TANC1: variants seen among roughly 807,000 people sequenced by gnomAD.
The protein encoded by TANC1 is protein TANC1.
A neutral mutation model predicts 149.7 loss-of-function variants in TANC1; 77 were observed. The ratio of observed to expected loss-of-function variants is 0.51; its 90% CI spans 0.43 to 0.62. The LOEUF is 0.62. Ranked by LOEUF, TANC1 falls within the 20% of genes least tolerant of loss-of-function variation. TANC1 has a pLI of 0.00. For synonymous variants in TANC1, 854 were observed against 925.0 expected, an observed-to-expected ratio of 0.92 and a Z score of 1.39; for missense variants, 1,985 against 2,321.8, an observed-to-expected ratio of 0.85 and a Z score of 2.98.
intron 3 of TANC1, among the ~76,000 whole-genome samples, chr2:159,076,296 T>A (rs1357053299): frequency 6.6e-6 from 1 of 152,224 alleles, no homozygotes; most frequent in East Asian, 1.9e-4. Context: ...CTATGTTCTA[T>A]AGGTAAAAGT....
chr2:159,154,368 T>G lies in TANC1; in HGVS notation c.682+3812T>G, dbSNP rs1217448068. Among the ~76,000 whole-genome samples, 5 of 152,358 alleles carry G rather than the reference T, an allele frequency of 3.3e-5. No homozygotes were observed. The East Asian group carries it at 7.7e-4, about 23-fold the overall frequency. ...AGATGCAGGGACAGGAAGCTTGTGT[T>G]CCCACATGCCCAGGCACCCAGTTTA... On this transcript the variant is annotated intron_variant, in intron 7 of 26. Coordinates refer to ENST00000263635, the MANE Select transcript of TANC1 (RefSeq NM_033394.3).
At chr2:159,088,837 C>T (rs2045231521) in intron 3 of TANC1, among the ~76,000 whole-genome samples, 1 of 152,160 alleles carries the variant, frequency 6.6e-6, no homozygotes, top group Non-Finnish European at 1.5e-5. Flanking sequence ...TATGAAGGGT[C>T]TGGAGGCCAG....
intron 2 of TANC1, among the ~76,000 whole-genome samples, chr2:159,043,977 G>A (rs774266438): frequency 9.2e-5 from 14 of 152,050 alleles, no homozygotes; most frequent in Non-Finnish European, 1.8e-4. Flanking sequence ...CCTCTTGCCC[G>A]TTCTACAGAC....
intron 26 of TANC1, 65 bp downstream of exon 26, chr2:159,228,961 A>G: frequency 7.6e-7 from 1 of 1,315,978 alleles, no homozygotes; most frequent in Non-Finnish European, 1.1e-6. Flanking sequence ...CTGCCTGTTG[A>G]ATTTGGGGAG....
chr2:159,219,977 AGTGTGTGTGTGT>A (rs760037919), intron 22 of TANC1, 110 bp downstream of exon 22: 618 of 560,594 alleles, frequency 1.1e-3, no homozygotes, highest in South Asian at 4.4e-3. Flanking sequence ...GTCATCAGAG[AGTGTGTGTGTGT>A]GTGTGTGTGT....
intron 2 of TANC1, among the ~76,000 whole-genome samples, chr2:159,062,884 G>A (rs796371254): frequency 5.4e-5 from 8 of 148,520 alleles, no homozygotes; most frequent in African/African-American, 1.5e-4. Context: ...GGAGAATGGC[G>A]TGAACCCGGG....
chr2:159,002,540 G>T (rs1354932508), intron 2 of TANC1, among the ~76,000 whole-genome samples: 1 of 152,136 alleles, frequency 6.6e-6, no homozygotes, highest in African/African-American at 2.4e-5. Flanking sequence ...AATTTTATCT[G>T]ACTCCTTCAC....
chr2:159,223,976 T>A (rs1361878168), intron 22 of TANC1, among the ~76,000 whole-genome samples: 1 of 152,236 alleles, frequency 6.6e-6, no homozygotes, highest in African/African-American at 2.4e-5. Context: ...CACGCATGTG[T>A]GCACACACCC....
At chr2:159,047,195 C>CA (rs987895946) in intron 2 of TANC1, among the ~76,000 whole-genome samples, 1 of 151,012 alleles carries the variant, frequency 6.6e-6, no homozygotes, top group Non-Finnish European at 1.5e-5. Context: ...ATTTCCCCCC[C>CA]CCAGTTATTG....
chr2:159,223,275 T>C (rs963949393), intron 22 of TANC1, among the ~76,000 whole-genome samples: 1 of 152,136 alleles, frequency 6.6e-6, no homozygotes, highest in Non-Finnish European at 1.5e-5. Flanking sequence ...TGGCCCTGCA[T>C]GTCTGAGGTG....
chr2:159,166,383 C>G (rs2054600300), intron 8 of TANC1, among the ~76,000 whole-genome samples: 1 of 152,172 alleles, frequency 6.6e-6, no homozygotes, highest in Non-Finnish European at 1.5e-5. Flanking sequence ...ATGTCTCCCT[C>G]TGCCTTGCCC....
intron 20 of TANC1, among the ~76,000 whole-genome samples, chr2:159,218,756 G>A (rs777597549): frequency 1.3e-5 from 2 of 152,198 alleles, no homozygotes; most frequent in African/African-American, 2.4e-5. Flanking sequence ...CATGCCATCC[G>A]CCAATGCTGC....
At position 159,194,253 on chromosome 2, in the gene TANC1, A is replaced by G; in HGVS notation, c.2743-4A>G. ...CAATCTTGTTGGGGGGCCTTGTCCA[A>G]CAGGTGAGCCGTCTCCTGATTTTGG... On this transcript the variant is annotated splice_region_variant and splice_polypyrimidine_tract_variant and intron_variant, in intron 16 of 26. Coordinates refer to ENST00000263635, the MANE Select transcript of TANC1 (RefSeq NM_033394.3). 6.2e-7 allele frequency: 1 copy of G among 1,611,748 alleles called. No homozygotes were observed. Among genetic ancestry groups the G allele is most frequent in the Non-Finnish European group, 8.5e-7 (1 of 1,177,886 alleles).
intron 2 of TANC1, among the ~76,000 whole-genome samples, chr2:159,048,681 A>C (rs1246614225): frequency 6.6e-6 from 1 of 152,240 alleles, no homozygotes; most frequent in Non-Finnish European, 1.5e-5. Context: ...TTTATAGCAC[A>C]TATAGACCTA....
chr2:158,974,275 T>C (rs1423945666), intron 1 of TANC1, among the ~76,000 whole-genome samples: 1 of 152,164 alleles, frequency 6.6e-6, no homozygotes, highest in African/African-American at 2.4e-5. Flanking sequence ...TTGAGGGCCA[T>C]TGCTGCAATA....
chr2:159,080,967 T>G lies in TANC1; in HGVS notation c.61+14996T>G, dbSNP rs575023690. The stretch of plus-strand genomic sequence containing the variant: ...TATGGTGCCAAGGTGGCAAGCTAAT[T>G]TTCACAGGCTCACTCCACCTCGGGC... On this transcript the variant is annotated intron_variant, in intron 3 of 26. Coordinates refer to ENST00000263635, the MANE Select transcript of TANC1 (RefSeq NM_033394.3). Among the ~76,000 whole-genome samples, 20 of 152,270 alleles carry G rather than the reference T, an allele frequency of 1.3e-4. No homozygotes were observed. In the South Asian group the frequency reaches 4.1e-3, roughly 32 times the overall value.
rs76548692 is a variant in TANC1, at chr2:159,112,324, C to T, written c.259+14490C>T. On this transcript the variant is annotated intron_variant, in intron 4 of 26. Transcript: ENST00000263635. ...TGCCGTGGTGTGATCTCATCTTGCT[C>T]GGCTCACTGCAACCTCCCCCTCACA... is the stretch of plus-strand genomic sequence containing the variant. 7.1e-3 allele frequency among the ~76,000 whole-genome samples: 1,087 copies of T among 152,092 alleles called. 8 individuals are homozygous for T. The highest frequency in any genetic ancestry group is 0.025 in the African/African-American group (1,023 of 41,464).
At chr2:159,207,694 T>A (rs2058701752) in intron 19 of TANC1, among the ~76,000 whole-genome samples, 1 of 42,880 alleles carries the variant, frequency 2.3e-5, no homozygotes, top group Non-Finnish European at 3.8e-5. Flanking sequence ...GCAACACGTG[T>A]CTCAAAAAAA....
At chr2:159,059,171 A>G (rs2042054976) in intron 2 of TANC1, among the ~76,000 whole-genome samples, 1 of 152,196 alleles carries the variant, frequency 6.6e-6, no homozygotes, top group Admixed American at 6.5e-5. Context: ...TTAGAGAATA[A>G]ATTATAGTTT....
Sources: allele counts gnomAD v4.1 joint callset (sites outside exome capture counted in the v4.1 genomes callset), GRCh38; gene constraint gnomAD v4.1.1; transcripts MANE v1.5; gene names NCBI Gene and HGNC (gene_info 2026-07-23, HGNC 2026-07-21).